The following WWOX variants were observed in gnomAD, a reference collection of about 807,000 sequenced individuals.
WWOX encodes WW domain containing oxidoreductase.
In WWOX, 69 loss-of-function variants were observed where a neutral mutation model predicts 46.2. That is an observed-to-expected ratio of 1.49 (90% CI 1.23 to 1.82). The LOEUF (loss-of-function observed/expected upper bound fraction) is 1.82. WWOX is among the 40% of genes most tolerant of loss of function. The pLI is 0.00. For synonymous variants in WWOX, 359 were observed against 202.6 expected, an observed-to-expected ratio of 1.77 and a Z score of -6.56; for missense variants, 919 against 542.6, an observed-to-expected ratio of 1.69 and a Z score of -6.89.
At position 78,548,173 on chromosome 16, in the gene WWOX, A is replaced by C. The variant is rs890131863; in HGVS notation, c.1056+115421A>C. 6.4e-5 allele frequency among the ~76,000 whole-genome samples: 4 copies of C among 62,018 alleles called. 1 individual carries two copies. The highest frequency in any genetic ancestry group is 4.6e-4 in the Admixed American group (2 of 4,352). The allele number at this position is 62,018 out of a possible 152,430, so 40.7% of individuals were successfully genotyped here. On this transcript the variant is annotated intron_variant, in intron 8 of 8. Transcript: ENST00000566780. ...GTCTCAAAAAAAAAAAAAAAAAAAA[A>C]AAAAATTACGAATTTTGCGAGGACG...
At chr16:78,337,458 A>C (rs1057059201) in intron 5 of WWOX, among the ~76,000 whole-genome samples, 2 of 152,190 alleles carry the variant, frequency 1.3e-5, no homozygotes, top group African/African-American at 4.8e-5. Context: ...CACATTTGCT[A>C]CAATTAATAA....
intron 8 of WWOX, among the ~76,000 whole-genome samples, chr16:78,692,013 C>T (rs776826386): frequency 1.3e-5 from 2 of 152,202 alleles, no homozygotes; most frequent in Non-Finnish European, 1.5e-5. Context: ...TCTCTTGCCA[C>T]TGCCATGTAA....
At chr16:79,136,056 A>C (rs1015618176) in intron 8 of WWOX, among the ~76,000 whole-genome samples, 1 of 152,138 alleles carries the variant, frequency 6.6e-6, no homozygotes, top group South Asian at 2.1e-4. Context: ...TCTATATTCA[A>C]ATATACTCTG....
chr16:78,681,197 C>G (rs532299699), intron 8 of WWOX, among the ~76,000 whole-genome samples: 1 of 151,870 alleles, frequency 6.6e-6, no homozygotes, highest in African/African-American at 2.4e-5. Flanking sequence ...TGCATTGAGC[C>G]GAGATCATGC....
At chr16:78,813,658 C>G (rs941464504) in intron 8 of WWOX, among the ~76,000 whole-genome samples, 1 of 152,070 alleles carries the variant, frequency 6.6e-6, no homozygotes, top group African/African-American at 2.4e-5. Flanking sequence ...TCAACAGCAA[C>G]AAAAGGCCTC....
intron 8 of WWOX, among the ~76,000 whole-genome samples, chr16:78,710,473 C>CATATATATATATATATATATATATATGT (rs544025863): frequency 1.6e-5 from 1 of 63,590 alleles, no homozygotes; most frequent in African/African-American, 5.6e-5. Flanking sequence ...TAATGGATCT[C>CATATATATATATATATATATATATATGT]ATATATATAT....
At chr16:78,664,110 A>G (rs2047277262) in intron 8 of WWOX, among the ~76,000 whole-genome samples, 1 of 152,216 alleles carries the variant, frequency 6.6e-6, no homozygotes, top group African/African-American at 2.4e-5. Context: ...AGTGAAAGCT[A>G]AAGGATATGC....
chr16:78,646,975 C>G (rs919733970), intron 8 of WWOX, among the ~76,000 whole-genome samples: 2 of 152,198 alleles, frequency 1.3e-5, no homozygotes, highest in Non-Finnish European at 2.9e-5. Flanking sequence ...AGGCACGTAA[C>G]TGGCTCAGAC....
intron 8 of WWOX, among the ~76,000 whole-genome samples, chr16:78,798,637 G>T (rs1452064046): frequency 6.7e-6 from 1 of 149,128 alleles, no homozygotes; most frequent in African/African-American, 2.5e-5. Flanking sequence ...TTCCATATAG[G>T]TTTTTCTCGA....
At position 78,351,697 on chromosome 16, in the gene WWOX, C is replaced by T. The variant is rs190950460; in HGVS notation, c.517-35163C>T. On this transcript the variant is annotated intron_variant, in intron 5 of 8. Transcript: ENST00000566780. ...TTTGAGACAGAGTCTCGGTCTCTTGCCCAGGCTGGAATGCAGTGGCACGAT... is the reference window on the plus strand; with the variant it reads ...TTTGAGACAGAGTCTCGGTCTCTTGTCCAGGCTGGAATGCAGTGGCACGAT... Among the ~76,000 whole-genome samples the T allele has an allele frequency of 2.6e-5, 4 of 152,258 alleles. No homozygotes were observed. The South Asian group carries it at 8.3e-4, about 32-fold the overall frequency.
chr16:78,150,347 C>G (rs2034359577), intron 4 of WWOX, among the ~76,000 whole-genome samples: 1 of 152,156 alleles, frequency 6.6e-6, no homozygotes, highest in Non-Finnish European at 1.5e-5. Context: ...AATCTGGAAG[C>G]TCTCCAAACC....
intron 5 of WWOX, among the ~76,000 whole-genome samples, chr16:78,187,271 A>G (rs2035739412): frequency 6.6e-6 from 1 of 152,208 alleles, no homozygotes; most frequent in Non-Finnish European, 1.5e-5. Context: ...AAACTTTGCA[A>G]GAGGTGCCAG....
chr16:78,244,414 CTG>C (rs1209632810), intron 5 of WWOX, among the ~76,000 whole-genome samples: 1 of 152,160 alleles, frequency 6.6e-6, no homozygotes, highest in Non-Finnish European at 1.5e-5. Context: ...GAATTTGAGA[CTG>C]TGAGAGGCTT....
rs540009955 is a variant in WWOX, at chr16:78,993,613, G to T, written c.1057-217995G>T. 5.3e-5 allele frequency among the ~76,000 whole-genome samples: 8 copies of T among 152,310 alleles called. No homozygotes were observed. In the South Asian group the frequency reaches 1.2e-3, roughly 24 times the overall value. ...TGGGGACAGGACCTTGCGCTGTGCG[G>T]CTTGGCATGCTGCTCCAGAGTGAGC... On this transcript the variant is annotated intron_variant, in intron 8 of 8. Coordinates refer to ENST00000566780, the MANE Select transcript of WWOX (RefSeq NM_016373.4).
intron 8 of WWOX, among the ~76,000 whole-genome samples, chr16:78,725,339 CTTTTCTTTTT>C (rs2048801309): frequency 1.2e-5 from 1 of 86,776 alleles, no homozygotes; most frequent in Non-Finnish European, 2.2e-5. Context: ...CTTTTCTTTT[CTTTTCTTTTT>C]TTTTTTTTTT....
chr16:78,385,134 A>AACACACACACACAC (rs61262578), intron 5 of WWOX, among the ~76,000 whole-genome samples: 10,181 of 142,992 alleles, frequency 0.071, 519 homozygotes, highest in African/African-American at 0.12. Context: ...ACTCCATCTA[A>AACACACACACACAC]ACACACACAC....
chr16:78,851,427 A>C (rs1217824455), intron 8 of WWOX, among the ~76,000 whole-genome samples: 2 of 152,250 alleles, frequency 1.3e-5, no homozygotes, highest in African/African-American at 4.8e-5. Flanking sequence ...GTGACATTGT[A>C]AGTTATTTAA....
intron 8 of WWOX, chr16:78,899,246 T>C (rs2044769995): frequency 6.6e-6 from 1 of 152,208 alleles, no homozygotes; most frequent in South Asian, 2.1e-4. Flanking sequence ...AATTTATTTC[T>C]AGTTTGCTGA....
At chr16:78,334,969 TGA>T (rs1555521560) in intron 5 of WWOX, among the ~76,000 whole-genome samples, 1 of 150,976 alleles carries the variant, frequency 6.6e-6, no homozygotes, top group Non-Finnish European at 1.5e-5. Flanking sequence ...GCGTTTATTA[TGA>T]GATACACGAA....
Sources: allele counts gnomAD v4.1 joint callset (sites outside exome capture counted in the v4.1 genomes callset), GRCh38; gene constraint gnomAD v4.1.1; transcripts MANE v1.5; gene names NCBI Gene and HGNC (gene_info 2026-07-23, HGNC 2026-07-21).